The following CACNA1S variants were observed in gnomAD, a reference collection of about 807,000 sequenced individuals.
CACNA1S encodes voltage-dependent L-type calcium channel subunit alpha-1S.
In CACNA1S, 126 loss-of-function variants were observed where a neutral mutation model predicts 207.4. The observed-to-expected ratio is 0.61, with a 90% CI of 0.53 to 0.70. The LOEUF (loss-of-function observed/expected upper bound fraction) is 0.70, where lower values mean the gene tolerates loss of function less well. Among genes scored for constraint, CACNA1S ranks in the 30% least tolerant of loss-of-function variants. The pLI, the probability that CACNA1S is intolerant of heterozygous loss-of-function variation, is 0.00. For missense variants in CACNA1S, 2,349 were observed against 2,422.8 expected, an observed-to-expected ratio of 0.97 and a Z score of 0.64; for synonymous variants, 960 against 932.7, an observed-to-expected ratio of 1.03 and a Z score of -0.53.
rs115274946 is a variant in CACNA1S, at chr1:201,072,456, G to A, written c.2227+299C>T. The stretch of plus-strand genomic sequence containing the variant: ...GCAGGGAAGACTTGTATACCCACGT[G>A]TCCCTGTGCTTCTTGAAAACTGAGT... On this transcript the variant is annotated intron_variant, in intron 16 of 43. Coordinates refer to ENST00000362061, the MANE Select transcript of CACNA1S (RefSeq NM_000069.3). Among the ~76,000 whole-genome samples the A allele has an allele frequency of 9.8e-3, 1,499 of 152,242 alleles. 22 individuals are homozygous for A. Among genetic ancestry groups the A allele is most frequent in the African/African-American group, 0.034 (1,433 of 41,544 alleles).
rs16847623 is a variant in CACNA1S, at chr1:201,066,301, G to A, written c.2673C>T (p.Ser891=). 12,540 of 1,611,918 alleles carry A rather than the reference G, an allele frequency of 7.8e-3. 335 individuals are homozygous for A. In the African/African-American group the frequency reaches 0.084, roughly 11 times the overall value. ...ISMGLESSAI[S]VVKILRVLRV... ...TCAGCACCCTCAGGATCTTCACCACGGAGATGGCACTGGACCTGGGGGGCG... is the reference window on the plus strand; with the variant it reads ...TCAGCACCCTCAGGATCTTCACCACAGAGATGGCACTGGACCTGGGGGGCG... The change falls in exon 21 of 44, where the codon TCC becomes TCT. Residue 891 remains serine, a synonymous_variant. Coordinates refer to ENST00000362061, the MANE Select transcript of CACNA1S (RefSeq NM_000069.3). This position sits in a 1 kb window ranked among gnomAD's most constrained non-coding sequence, Gnocchi z 4.3.
chr1:201,039,675 T>C lies in CACNA1S; in HGVS notation c.*156A>G. 1.1e-6 allele frequency: 1 copy of C among 933,356 alleles called. No individual in the cohort carries two copies. Among genetic ancestry groups the C allele is most frequent in the South Asian group, 1.5e-5 (1 of 66,272 alleles). 57.8% of individuals were successfully genotyped at this position (933,356 alleles called of 1,614,324 possible). A position where few individuals can be genotyped will look rare whatever the true frequency, so the allele number is the denominator to read the frequency against. ...CTGTCCAGCTACTTCCTCCGCACTT[T>C]TTGAGGTGGTTCCTGACCACCCTGC... On this transcript the variant is annotated 3_prime_UTR_variant, in exon 44 of 44. Coordinates refer to ENST00000362061, the MANE Select transcript of CACNA1S (RefSeq NM_000069.3).
rs374121124 is a variant in CACNA1S at position 201,065,012 on chromosome 1, G to A, written c.2853+826C>T. Among the ~76,000 whole-genome samples the A allele has an allele frequency of 7.2e-5, 11 of 152,280 alleles. No homozygotes were observed. The East Asian group carries it at 9.6e-4, about 13-fold the overall frequency. Reference sequence around the variant, plus strand: ...CAGGCCTGGCAGGATGGGAGGAAGCGGGCAAGGGTGGGAAGGGAGAAGAAT... The same window carrying A: ...CAGGCCTGGCAGGATGGGAGGAAGCAGGCAAGGGTGGGAAGGGAGAAGAAT... On this transcript the variant is annotated intron_variant, in intron 22 of 43. Transcript: ENST00000362061.
Position 201,062,003 on chromosome 1 carries a change from G to T in CACNA1S, c.2994C>A (p.Asp998Glu), listed in dbSNP as rs886045798. Residue 998 changes from aspartate to glutamate, a missense_variant, in exon 24 of 44, where the codon GAC becomes GAA. Coordinates refer to ENST00000362061, the MANE Select transcript of CACNA1S (RefSeq NM_000069.3). Reference protein sequence around the residue: ...REWVHSDFHFDNVLSAMMSLF... With the variant: ...REWVHSDFHFENVLSAMMSLF... Reference sequence around the variant, plus strand: ...GGGACATCATGGCTGAGAGCACATTGTCGAAGTGGAAGTCGCTGTGTACCC... The same window carrying T: ...GGGACATCATGGCTGAGAGCACATTTTCGAAGTGGAAGTCGCTGTGTACCC... 2.6e-5 allele frequency: 42 copies of T among 1,614,102 alleles called. No homozygotes were observed. Among genetic ancestry groups the T allele is most frequent in the Non-Finnish European group, 3.1e-5 (37 of 1,180,036 alleles).
At position 201,106,388 on chromosome 1, in the gene CACNA1S, CT is replaced by C. The variant is rs200799012; in HGVS notation, c.258+3775del. Among the ~76,000 whole-genome samples the C allele has an allele frequency of 7.3e-3, 1,110 of 152,216 alleles. 13 individuals carry two copies. The highest frequency in any genetic ancestry group is 0.025 in the African/African-American group (1,053 of 41,518). Reference sequence around the variant, plus strand: ...CTGAGAGATTTTTCTAAATCCCCCCCTGACCTCTCTGTCTCTTGCCTCCAGC... The same window carrying C: ...CTGAGAGATTTTTCTAAATCCCCCCCGACCTCTCTGTCTCTTGCCTCCAGC... On this transcript the variant is annotated intron_variant, in intron 2 of 43. Transcript: ENST00000362061.
At chr1:201,108,511 A>T (rs1662982838) in intron 2 of CACNA1S, among the ~76,000 whole-genome samples, 1 of 152,164 alleles carries the variant, frequency 6.6e-6, no homozygotes, top group African/African-American at 2.4e-5. Context: ...GGTGGGGTAG[A>T]CCTAGAGCTC....
chr1:201,057,220 C>A (rs922225858), intron 28 of CACNA1S, among the ~76,000 whole-genome samples: 9 of 152,252 alleles, frequency 5.9e-5, no homozygotes, highest in Non-Finnish European at 1.3e-4. Context: ...CCACCACTCT[C>A]TCCTCCAGCT....
chr1:201,056,070 G>GACAGACAC lies in CACNA1S; in HGVS notation c.3610-1510_3610-1509insGTGTCTGT, dbSNP rs528783002. On this transcript the variant is annotated intron_variant, in intron 28 of 43. Coordinates refer to ENST00000362061, the MANE Select transcript of CACNA1S (RefSeq NM_000069.3). ...ACACACACAGACAGACAGACAGACA[G>GACAGACAC]ACACACACACACACACACACACACA... 3.6e-3 allele frequency among the ~76,000 whole-genome samples: 338 copies of GACAGACAC among 94,902 alleles called. 1 individual carries two copies. The highest frequency in any genetic ancestry group is 4.8e-3 in the Non-Finnish European group (187 of 38,662). The allele number at this position is 94,902 out of a possible 152,430, so 62.3% of individuals were successfully genotyped here.
chr1:201,048,667 G>A lies in CACNA1S; in HGVS notation c.4356C>T (p.Asn1452=), dbSNP rs754537636. 6.2e-7 allele frequency: 1 copy of A among 1,613,154 alleles called. No individual in the cohort carries two copies. Among genetic ancestry groups the A allele is most frequent in the Non-Finnish European group, 8.5e-7 (1 of 1,179,944 alleles). Residue 1452 remains asparagine (N), a synonymous_variant, in exon 36 of 44, where the codon AAC becomes AAT. Transcript: ENST00000362061. The part of the protein sequence containing the change: ...RVACKRLVGM[N]MPLNSDGTVT... ...CTGTGCCGTCGCTGTTCAGGGGCAT[G>A]TTCATGCCCACCAGCCGCTGTACAG...
Position 201,051,160 on chromosome 1 carries a change from G to A in CACNA1S, c.3954-17C>T, listed in dbSNP as rs190170104. The A allele has an allele frequency of 6.2e-7, 1 of 1,613,900 alleles. No homozygotes were observed. Among genetic ancestry groups the A allele is most frequent in the East Asian group, 2.2e-5 (1 of 44,888 alleles). ...GTTGCACACCTAGAGGACAGAAGAG[G>A]CTCCTGTCACCTATCTGCTCCTGCC... On this transcript the variant is annotated splice_polypyrimidine_tract_variant and intron_variant, in intron 32 of 43. Transcript: ENST00000362061.
At chr1:201,111,917 CTT>C (rs1663118089) in intron 1 of CACNA1S, among the ~76,000 whole-genome samples, 2 of 147,576 alleles carry the variant, frequency 1.4e-5, no homozygotes, top group Non-Finnish European at 1.5e-5. Flanking sequence ...TTCTCTTCCT[CTT>C]CCTCCTCCTC....
chr1:201,047,014 T>C (rs1473379078), intron 38 of CACNA1S, 101 bp downstream of exon 38: 1 of 1,478,132 alleles, frequency 6.8e-7, no homozygotes, highest in Admixed American at 1.7e-5. Flanking sequence ...TTTCCCTCTA[T>C]GTCTCCATCA....
At chr1:201,077,748 G>A (rs1012867966) in intron 11 of CACNA1S, 131 bp downstream of exon 11, 1 of 627,796 alleles carries the variant, frequency 1.6e-6, no homozygotes. Context: ...AAGGAGGGAG[G>A]GAAGTCTGGG....
At chr1:201,045,467 A>G (rs936574545) in intron 38 of CACNA1S, among the ~76,000 whole-genome samples, 4 of 151,850 alleles carry the variant, frequency 2.6e-5, no homozygotes, top group African/African-American at 9.7e-5. Flanking sequence ...TGGCATGGTG[A>G]CTCACGTCTG....
At chr1:201,067,222 C>G (rs1442351923) in intron 19 of CACNA1S, among the ~76,000 whole-genome samples, 1 of 152,200 alleles carries the variant, frequency 6.6e-6, no homozygotes, top group Non-Finnish European at 1.5e-5. Context: ...CCAGAAGTCT[C>G]TTTCTTTACA....
intron 41 of CACNA1S, 98 bp downstream of exon 41, chr1:201,041,406 C>T (rs1660192755): frequency 1.5e-5 from 14 of 909,316 alleles, no homozygotes; most frequent in Non-Finnish European, 2.5e-5. Flanking sequence ...CCAAGCCAGC[C>T]CTCCCAGCCA....
chr1:201,070,766 C>G (rs901276732), intron 16 of CACNA1S, among the ~76,000 whole-genome samples: 6 of 152,116 alleles, frequency 3.9e-5, no homozygotes, highest in Non-Finnish European at 5.9e-5. Context: ...AGACCTGGGT[C>G]CTAGTCCCAG....
chr1:201,069,185 G>T lies in CACNA1S; in HGVS notation c.2502C>A (p.His834Gln). 1 of 1,614,170 alleles carries T rather than the reference G, an allele frequency of 6.2e-7. No homozygotes were observed. Among genetic ancestry groups the T allele is most frequent in the Non-Finnish European group, 8.5e-7 (1 of 1,179,980 alleles). ...ADSMRNQILK[H>Q]FDIGFTSVFT... ...AGACAGAGGTGAACCCGATGTCAAA[G>T]TGTTTAAGGATCTGGGGACAGGGCA... The change falls in exon 19 of 44, where the codon CAC (histidine) becomes CAA (glutamine). Residue 834 changes from histidine to glutamine, a missense_variant. By Grantham distance (24) the His-to-Gln change is conservative. Coordinates refer to ENST00000362061, the MANE Select transcript of CACNA1S (RefSeq NM_000069.3).
intron 40 of CACNA1S, 146 bp downstream of exon 40, chr1:201,043,135 C>G (rs1284722535): frequency 9.4e-7 from 1 of 1,063,234 alleles, no homozygotes; most frequent in East Asian, 2.4e-5. Flanking sequence ...CGGCCTCTTA[C>G]ATTAAGGTTC....
Sources: allele counts gnomAD v4.1 joint callset (sites outside exome capture counted in the v4.1 genomes callset), GRCh38; gene constraint gnomAD v4.1.1; non-coding constraint Gnocchi (gnomAD v3.1); transcripts MANE v1.5; gene names NCBI Gene and HGNC (gene_info 2026-07-23, HGNC 2026-07-21).